GABRB2: variants seen among roughly 807,000 people sequenced by gnomAD.
The protein encoded by GABRB2 is gamma-aminobutyric acid receptor subunit beta-2.
GABRB2 carries 16 observed loss-of-function variants against 54.7 expected under a neutral mutation model. That is an observed-to-expected ratio of 0.29 (90% CI 0.20 to 0.44). The LOEUF (loss-of-function observed/expected upper bound fraction) is 0.44, where lower values mean the gene tolerates loss of function less well. Among genes scored for constraint, GABRB2 ranks in the 20% least tolerant of loss-of-function variants. The pLI is 1.00. For synonymous variants in GABRB2, 244 were observed against 233.8 expected (o/e 1.04, Z -0.40); for missense variants, 355 against 644.0 (o/e 0.55, Z 4.86).
chr5:161,397,121 C>T (rs922459795), intron 5 of GABRB2, among the ~76,000 whole-genome samples: 1 of 152,140 alleles, frequency 6.6e-6, no homozygotes, highest in Non-Finnish European at 1.5e-5. Flanking sequence ...TCTTCACAAT[C>T]AAAAAATTTT....
At chr5:161,297,192 T>C (rs1288167551) in intron 9 of GABRB2, among the ~76,000 whole-genome samples, 1 of 152,172 alleles carries the variant, frequency 6.6e-6, no homozygotes, top group African/African-American at 2.4e-5. Context: ...AGGTGAGGTG[T>C]ATTGAACACC....
chr5:161,546,407 A>G lies in GABRB2; in HGVS notation c.84T>C (p.Asn28=). The G allele has an allele frequency of 6.2e-7, 1 of 1,613,750 alleles. No homozygotes were observed. The part of the protein sequence containing the change: ...IIAAVCAQSV[N]DPSNMSLVKE... ...TAACCAGCGACATATTACTAGGGTC[A>G]TTGACACTAAAGAAAGAAATGACAA... Residue 28 remains asparagine (N), a synonymous_variant, in exon 2 of 10, where the codon AAT becomes AAC. Transcript: ENST00000393959.
intron 3 of GABRB2, among the ~76,000 whole-genome samples, chr5:161,486,104 C>A (rs2113340567): frequency 6.6e-6 from 1 of 151,944 alleles, no homozygotes; most frequent in Non-Finnish European, 1.5e-5. Flanking sequence ...CTGCCACTGG[C>A]CATTTAAGTA....
chr5:161,488,478 T>C (rs1356207221), intron 3 of GABRB2, among the ~76,000 whole-genome samples: 1 of 151,770 alleles, frequency 6.6e-6, no homozygotes, highest in Non-Finnish European at 1.5e-5. Flanking sequence ...TATGATTGTA[T>C]AAATATGTTT....
At chr5:161,341,977 T>G (rs1754180434) in intron 5 of GABRB2, among the ~76,000 whole-genome samples, 1 of 116,000 alleles carries the variant, frequency 8.6e-6, no homozygotes, top group South Asian at 2.7e-4. Context: ...ATACATACTT[T>G]ATTATTATTT....
At chr5:161,413,059 C>T (rs564495747) in intron 4 of GABRB2, among the ~76,000 whole-genome samples, 1 of 152,246 alleles carries the variant, frequency 6.6e-6, no homozygotes, top group Non-Finnish European at 1.5e-5. Flanking sequence ...TGAGCCACTG[C>T]ACTCCCTTAT....
At chr5:161,547,510 G>C (rs896051476), upstream of GABRB2, among the ~76,000 whole-genome samples, 2 of 151,878 alleles carry the variant, frequency 1.3e-5, no homozygotes, top group African/African-American at 4.8e-5. Flanking sequence ...AGAAAACCTC[G>C]GGGTCCTGTT....
Position 161,334,957 on chromosome 5 carries a change from C to T in GABRB2, c.680-53G>A, listed in dbSNP as rs1561612157. On this transcript the variant is annotated intron_variant, in intron 6 of 9. Transcript: ENST00000393959. ...ATTATCAATCAATATTTATAGGATA[C>T]TTTTCTTTAAAGGTGCATAAACAGT... The T allele has an allele frequency of 3.8e-6, 6 of 1,566,098 alleles. No individual in the cohort carries two copies. In the East Asian group the frequency reaches 1.1e-4, roughly 29 times the overall value.
chr5:161,301,019 C>T (rs925069981), intron 9 of GABRB2, among the ~76,000 whole-genome samples: 1 of 152,046 alleles, frequency 6.6e-6, no homozygotes, highest in Non-Finnish European at 1.5e-5. Context: ...ATCTTGAAAG[C>T]CCTATAAACA....
rs116502279 is a variant in GABRB2, at chr5:161,349,570, T to C, written c.542-12801A>G. 2.3e-3 allele frequency among the ~76,000 whole-genome samples: 352 copies of C among 152,206 alleles called. 2 individuals carry two copies. The highest frequency in any genetic ancestry group is 7.9e-3 in the African/African-American group (328 of 41,548). On this transcript the variant is annotated intron_variant, in intron 5 of 9. Coordinates refer to ENST00000393959, the MANE Select transcript of GABRB2 (RefSeq NM_001371727.1). ...ACAGAATACAAGAGAGGTGGTGCGG[T>C]GTTCCTTCTGAGATTAGGTTATAAA...
chr5:161,380,080 C>G (rs1454582461), intron 5 of GABRB2, among the ~76,000 whole-genome samples: 2 of 152,070 alleles, frequency 1.3e-5, no homozygotes, highest in African/African-American at 2.4e-5. Flanking sequence ...GCTTGGGCCC[C>G]TAATTCTATA....
At chr5:161,482,583 C>T (rs185041174) in intron 3 of GABRB2, among the ~76,000 whole-genome samples, 8 of 152,150 alleles carry the variant, frequency 5.3e-5, no homozygotes, top group Non-Finnish European at 8.8e-5. Flanking sequence ...AAATCCACAA[C>T]TTCTAGTTTA....
intron 9 of GABRB2, among the ~76,000 whole-genome samples, chr5:161,318,941 A>G (rs1253368794): frequency 2.0e-5 from 3 of 151,884 alleles, no homozygotes; most frequent in South Asian, 2.1e-4. Context: ...TATTGTTTAT[A>G]TATTTTCTAT....
At chr5:161,402,559 G>T (rs1756229132) in intron 5 of GABRB2, among the ~76,000 whole-genome samples, 1 of 152,084 alleles carries the variant, frequency 6.6e-6, no homozygotes, top group Admixed American at 6.6e-5. Flanking sequence ...TGTAAATGAG[G>T]TTACATAGAT....
At chr5:161,522,000 C>A (rs1480653435) in intron 3 of GABRB2, among the ~76,000 whole-genome samples, 1 of 151,886 alleles carries the variant, frequency 6.6e-6, no homozygotes, top group African/African-American at 2.4e-5. Context: ...AGCTGCACAA[C>A]CAGTTCCTTA....
chr5:161,463,569 A>G (rs866288875), intron 3 of GABRB2, among the ~76,000 whole-genome samples: 1 of 110,946 alleles, frequency 9.0e-6, no homozygotes, highest in Admixed American at 8.9e-5. Context: ...ATATATATAT[A>G]TATATATATA....
intron 3 of GABRB2, among the ~76,000 whole-genome samples, chr5:161,489,581 A>G (rs1463038369): frequency 1.3e-5 from 2 of 151,268 alleles, no homozygotes; most frequent in African/African-American, 4.8e-5. Flanking sequence ...CTAGCTTAGC[A>G]TCTCAGTGAA....
intron 3 of GABRB2, among the ~76,000 whole-genome samples, chr5:161,526,936 A>T (rs1233243194): frequency 6.6e-6 from 1 of 151,464 alleles, no homozygotes; most frequent in Non-Finnish European, 1.5e-5. Context: ...TTGAGAAGTA[A>T]ATTTCCTTCT....
intron 5 of GABRB2, among the ~76,000 whole-genome samples, chr5:161,408,874 G>A (rs938315675): frequency 6.6e-6 from 1 of 151,936 alleles, no homozygotes; most frequent in Non-Finnish European, 1.5e-5. Context: ...AGGAATGGAT[G>A]AATAAGGCAG....
Sources: gnomAD v4.1 joint callset for allele counts (sites outside exome capture counted in the v4.1 genomes callset) on GRCh38, gnomAD v4.1.1 for gene constraint, MANE v1.5 for transcripts, NCBI Gene and HGNC (gene_info 2026-07-23, HGNC 2026-07-21) for gene names.